The following GBA1 variants were observed in gnomAD, a reference collection of about 807,000 sequenced individuals.
GBA1 encodes lysosomal acid glucosylceramidase.
chr1:155,239,520 G>T, the GBA1 span: 2 of 1,329,520 alleles, frequency 1.5e-6, no homozygotes, highest in South Asian at 1.2e-5. Flanking sequence ...GACAGAATGG[G>T]CAGAGTGAGA....
chr1:155,239,797 C>A, the GBA1 span: 2 of 1,613,916 alleles, frequency 1.2e-6, no homozygotes, highest in African/African-American at 1.3e-5. Context: ...GGTATCAGTA[C>A]CCAGCGGGAA....
chr1:155,240,752 C>T, the GBA1 span: 127 of 1,536,792 alleles, frequency 8.3e-5, no homozygotes, highest in Middle Eastern at 3.4e-4. Context: ...GAAAAGCAAG[C>T]CCCTCTCCAC....
chr1:155,240,280 A>G, the GBA1 span: 3 of 611,624 alleles, frequency 4.9e-6, no homozygotes, highest in Non-Finnish European at 8.7e-6. Context: ...CCTTGCCAGC[A>G]TGGTGAAACC....
the GBA1 span, chr1:155,241,013 G>T: frequency 7.3e-7 from 1 of 1,366,962 alleles, no homozygotes; most frequent in South Asian, 1.2e-5. Flanking sequence ...AAGAGAGTCT[G>T]TCATTCATTA....
At chr1:155,238,218 G>A in the GBA1 span, 1 of 1,614,142 alleles carries the variant, frequency 6.2e-7, no homozygotes, top group Non-Finnish European at 8.5e-7. Flanking sequence ...CGCTCCATTG[G>A]TCTTGAGCCA....
the GBA1 span, chr1:155,237,224 G>C: frequency 3.2e-6 from 5 of 1,562,304 alleles, no homozygotes; most frequent in South Asian, 5.8e-5. Flanking sequence ...GGAGGTCCAG[G>C]GGAATGGTGC....
the GBA1 span, chr1:155,240,067 G>A: frequency 1.9e-6 from 3 of 1,613,780 alleles, no homozygotes; most frequent in East Asian, 2.2e-5. Context: ...TAGGGATGCA[G>A]GGGCGGGCAC....
At chr1:155,236,328 A>T in the GBA1 span, 1 of 1,614,200 alleles carries the variant, frequency 6.2e-7, no homozygotes, top group Non-Finnish European at 8.5e-7. Flanking sequence ...GAGCCCACAC[A>T]GGCCTCTGAG....
At chr1:155,243,148 T>C in the GBA1 span, among the ~76,000 whole-genome samples, 1 of 152,244 alleles carries the variant, frequency 6.6e-6, no homozygotes, top group Non-Finnish European at 1.5e-5. Context: ...GAATGTCTTA[T>C]GCATTCTAAG....
chr1:155,236,530 CTGTTGT>C, the GBA1 span: 1 of 1,333,240 alleles, frequency 7.5e-7, no homozygotes, highest in Non-Finnish European at 1.1e-6. Flanking sequence ...CTTCTAGTTC[CTGTTGT>C]AGGAATCCTG....
the GBA1 span, chr1:155,239,990 G>C: frequency 2.5e-6 from 4 of 1,613,934 alleles, no homozygotes; most frequent in African/African-American, 4.0e-5. Context: ...AGGAAAGGTC[G>C]GGGGGTCAAA....
At chr1:155,241,946 G>A in the GBA1 span, among the ~76,000 whole-genome samples, 35 of 152,152 alleles carry the variant, frequency 2.3e-4, no homozygotes, top group Admixed American at 1.3e-3. Context: ...TTGTAAAGTC[G>A]TTCAAAAACC....
the GBA1 span, chr1:155,239,680 G>A: frequency 6.2e-7 from 1 of 1,614,202 alleles, no homozygotes; most frequent in Non-Finnish European, 8.5e-7. Context: ...CAAGGATGTT[G>A]AGAGCAGCAG....
At chr1:155,242,515 C>T in the GBA1 span, among the ~76,000 whole-genome samples, 988 of 152,142 alleles carry the variant, frequency 6.5e-3, 12 homozygotes, top group African/African-American at 0.023. Context: ...AGCCACTGCG[C>T]TGGACCCCAG....
At chr1:155,240,202 A>C in the GBA1 span, 24 of 832,694 alleles carry the variant, frequency 2.9e-5, no homozygotes, top group Non-Finnish European at 4.4e-5. Context: ...AGGGGCTCAC[A>C]CCTGTAATCC....
chr1:155,240,164 C>A, the GBA1 span: 1 of 1,302,196 alleles, frequency 7.7e-7, no homozygotes, highest in Non-Finnish European at 1.1e-6. Flanking sequence ...AACACGGTTT[C>A]AAAATTCCTC....
chr1:155,240,803 G>A, the GBA1 span: 1 of 1,198,912 alleles, frequency 8.3e-7, no homozygotes. Context: ...CTGCCTTTGG[G>A]TGCCCATGGC....
the GBA1 span, chr1:155,238,428 C>T: frequency 1.4e-6 from 2 of 1,412,708 alleles, no homozygotes; most frequent in African/African-American, 3.2e-5. Flanking sequence ...CAGCAGGGGA[C>T]AAAATGTCTG....
chr1:155,239,748 G>A, the GBA1 span: 19 of 1,613,960 alleles, frequency 1.2e-5, no homozygotes, highest in Non-Finnish European at 1.6e-5. Flanking sequence ...TCTGGCTGCA[G>A]GGTCAGTAGC....
Sources: allele counts gnomAD v4.1 joint callset (sites outside exome capture counted in the v4.1 genomes callset), GRCh38; gene constraint gnomAD v4.1.1; transcripts MANE v1.5; gene names NCBI Gene and HGNC (gene_info 2026-07-23, HGNC 2026-07-21).